PCDHGA7: variants seen among roughly 807,000 people sequenced by gnomAD.
PCDHGA7 encodes the protein protocadherin gamma subfamily A, 7.
PCDHGA7 carries 44 observed loss-of-function variants against 58.3 expected under a neutral mutation model. The ratio of observed to expected loss-of-function variants is 0.75; its 90% CI spans 0.59 to 0.97. PCDHGA7 has a LOEUF of 0.97. Ranked by LOEUF, PCDHGA7 falls within the 50% of genes least tolerant of loss-of-function variation. PCDHGA7 has a pLI of 0.00. For synonymous variants in PCDHGA7, 516 were observed against 504.2 expected, an observed-to-expected ratio of 1.02 and a Z score of -0.31; for missense variants, 1,266 against 1,188.7, an observed-to-expected ratio of 1.06 and a Z score of -0.96.
At chr5:141,449,273 C>T (rs1168190907) in intron 1 of PCDHGA7, among the ~76,000 whole-genome samples, 1 of 151,982 alleles carries the variant, frequency 6.6e-6, no homozygotes, top group Non-Finnish European at 1.5e-5. Flanking sequence ...ACTGTATCTC[C>T]TTCACCCGGA....
At chr5:141,398,905 A>C in intron 1 of PCDHGA7, 1 of 1,613,984 alleles carries the variant, frequency 6.2e-7, no homozygotes, top group Non-Finnish European at 8.5e-7. Context: ...ACCAGGCACC[A>C]CTGTGTTGCA....
intron 2 of PCDHGA7, among the ~76,000 whole-genome samples, chr5:141,504,926 TGGTG>T (rs1312481961): frequency 1.3e-5 from 2 of 151,946 alleles, no homozygotes; most frequent in Non-Finnish European, 2.9e-5. Context: ...GGCTCTCTCA[TGGTG>T]GGTGGGGGAA....
intron 1 of PCDHGA7, among the ~76,000 whole-genome samples, chr5:141,454,900 C>T (rs1411402448): frequency 1.4e-5 from 2 of 145,486 alleles, no homozygotes; most frequent in African/African-American, 2.6e-5. Flanking sequence ...CACCGCCTCC[C>T]GGGTTCACGC....
intron 1 of PCDHGA7, 96 bp from the exon 2 acceptor site, chr5:141,494,711 A>G (rs757105958): frequency 6.3e-7 from 1 of 1,599,616 alleles, no homozygotes; most frequent in Non-Finnish European, 8.5e-7. Flanking sequence ...CTCTGTGCCC[A>G]CTCCCCTCCT....
chr5:141,415,031 G>T lies in PCDHGA7; in HGVS notation c.2424+29708G>T, dbSNP rs982540695. The T allele has an allele frequency of 6.2e-6, 10 of 1,613,464 alleles. No individual in the cohort carries two copies. The highest frequency in any genetic ancestry group is 6.8e-6 in the Non-Finnish European group (8 of 1,179,984). On this transcript the variant is annotated intron_variant, in intron 1 of 3. Transcript: ENST00000518325. ...CGTCTGCTCAAGGCCAGCGAGCCGGGACTCTTCGCGGTGGGGGAGCACACG... is the reference window on the plus strand; with the variant it reads ...CGTCTGCTCAAGGCCAGCGAGCCGGTACTCTTCGCGGTGGGGGAGCACACG...
At chr5:141,415,183 G>A (rs201831693) in intron 1 of PCDHGA7, 913 of 1,613,968 alleles carry the variant, frequency 5.7e-4, no homozygotes, top group Non-Finnish European at 5.1e-4. Flanking sequence ...GGCCGTGGCC[G>A]ACAGCATCCC....
intron 1 of PCDHGA7, among the ~76,000 whole-genome samples, chr5:141,479,129 C>T (rs2099488562): frequency 6.6e-6 from 1 of 152,154 alleles, no homozygotes; most frequent in South Asian, 2.1e-4. Context: ...AAATGATGTG[C>T]ACCCTGCTTA....
chr5:141,441,665 A>C (rs994092543), intron 1 of PCDHGA7: 10 of 265,838 alleles, frequency 3.8e-5, no homozygotes, highest in African/African-American at 2.1e-4. Context: ...CCTTGAGCGC[A>C]CAGTGCGCCT....
At chr5:141,419,667 G>T in intron 1 of PCDHGA7, 1 of 1,612,894 alleles carries the variant, frequency 6.2e-7, no homozygotes, top group South Asian at 1.1e-5. Flanking sequence ...CACAATGCCT[G>T]GCTGTCCTAC....
intron 1 of PCDHGA7, among the ~76,000 whole-genome samples, chr5:141,469,599 A>G (rs2099206392): frequency 6.6e-6 from 1 of 152,192 alleles, no homozygotes; most frequent in Non-Finnish European, 1.5e-5. Flanking sequence ...ATAAAACAAA[A>G]TAAGTAAAAT....
At chr5:141,400,166 C>T (rs370071207) in intron 1 of PCDHGA7, 80 of 1,613,954 alleles carry the variant, frequency 5.0e-5, no homozygotes, top group South Asian at 7.7e-5. Context: ...CCCTCTGACC[C>T]CCAGGCTGAG....
intron 1 of PCDHGA7, chr5:141,394,550 C>T (rs1389907024): frequency 9.3e-6 from 15 of 1,614,014 alleles, no homozygotes; most frequent in South Asian, 7.7e-5. Flanking sequence ...AGCTGGCGCC[C>T]CGCTCCGCAG....
At chr5:141,454,181 G>A (rs1290295830) in intron 1 of PCDHGA7, among the ~76,000 whole-genome samples, 1 of 152,200 alleles carries the variant, frequency 6.6e-6, no homozygotes, top group Non-Finnish European at 1.5e-5. Context: ...GCAGCTAAAG[G>A]AGCTTAGTGA....
chr5:141,390,214 T>G, intron 1 of PCDHGA7: 1 of 1,614,064 alleles, frequency 6.2e-7, no homozygotes, highest in Non-Finnish European at 8.5e-7. Flanking sequence ...GGACAAGACA[T>G]ACTTTGCGGT....
intron 1 of PCDHGA7, chr5:141,392,856 CT>C: frequency 1.9e-6 from 3 of 1,612,366 alleles, no homozygotes; most frequent in Non-Finnish European, 2.5e-6. Flanking sequence ...CGAGCTGATC[CT>C]GCTGTGCGCG....
At chr5:141,415,275 G>T in intron 1 of PCDHGA7, 5 of 1,614,212 alleles carry the variant, frequency 3.1e-6, no homozygotes, top group Non-Finnish European at 4.2e-6. Flanking sequence ...TGGTGGTAGC[G>T]GTGGCCGCGG....
At chr5:141,399,483 CTACT>C in intron 1 of PCDHGA7, 2 of 1,614,048 alleles carry the variant, frequency 1.2e-6, no homozygotes, top group Non-Finnish European at 8.5e-7. Context: ...ACCAGGCGTC[CTACT>C]TAGTCAGTGT....
chr5:141,502,516 A>G (rs947349505), intron 2 of PCDHGA7, among the ~76,000 whole-genome samples: 1 of 152,146 alleles, frequency 6.6e-6, no homozygotes, highest in African/African-American at 2.4e-5. Flanking sequence ...TCCCACTATC[A>G]GTGATGCCGA....
In PCDHGA7 at chr5:141,394,083, G is replaced by A. The variant is rs146481056; in HGVS notation, c.2424+8760G>A. The A allele has an allele frequency of 3.1e-6, 5 of 1,613,826 alleles. No individual in the cohort carries two copies. The East Asian group carries it at 6.7e-5, about 22-fold the overall frequency. On this transcript the variant is annotated intron_variant, in intron 1 of 3. Transcript: ENST00000518325. ...CTCTATCTACAATATCACAGTGATG[G>A]CCTCAGATCTAGGAACACCACCTCT... is the stretch of plus-strand genomic sequence containing the variant.
Sources: gnomAD v4.1 joint callset for allele counts (sites outside exome capture counted in the v4.1 genomes callset) on GRCh38, gnomAD v4.1.1 for gene constraint, MANE v1.5 for transcripts, NCBI Gene and HGNC (gene_info 2026-07-23, HGNC 2026-07-21) for gene names.